The following FARS2 variants were observed in gnomAD, a reference collection of about 807,000 sequenced individuals.
FARS2 encodes phenylalanine--tRNA ligase, mitochondrial.
In FARS2, 40 loss-of-function variants were observed where a neutral mutation model predicts 46.4. That is an observed-to-expected ratio of 0.86 (90% confidence interval 0.67 to 1.12). FARS2 has a LOEUF of 1.12. Among genes scored for constraint, FARS2 ranks in the 50% most tolerant of loss-of-function variants. The pLI is 0.00. For missense variants in FARS2, 513 were observed against 567.9 expected (o/e 0.90, Z 0.98); for synonymous variants, 234 against 214.9 (o/e 1.09, Z -0.78).
intron 3 of FARS2, among the ~76,000 whole-genome samples, chr6:5,418,874 T>TTTATTA (rs111451171): frequency 1.6e-3 from 233 of 150,054 alleles, no homozygotes; most frequent in East Asian, 0.014. Flanking sequence ...TATTTGTCTT[T>TTTATTA]TTATTATTAT....
rs114465560 is a variant in FARS2, at chr6:5,616,216, A to C, written c.1217+2896A>C. Among the ~76,000 whole-genome samples the C allele has an allele frequency of 2.3e-3, 355 of 152,160 alleles. 4 individuals carry two copies. The highest frequency in any genetic ancestry group is 8.3e-3 in the African/African-American group (343 of 41,502). ...ATATCTGTCTCCTAACTTTACAGAA[A>C]ATAGAATGTATGGGGTAGTCTGGAT... On this transcript the variant is annotated intron_variant, in intron 6 of 6. Coordinates refer to ENST00000274680, the MANE Select transcript of FARS2 (RefSeq NM_006567.5).
intron 1 of FARS2, among the ~76,000 whole-genome samples, chr6:5,341,188 G>GATAGATATATATATATAT (rs1771535603): frequency 2.9e-5 from 1 of 34,188 alleles, no homozygotes; most frequent in Non-Finnish European, 5.3e-5. Context: ...GCCATGGGGA[G>GATAGATATATATATATAT]ATATATATAT....
At chr6:5,263,512 G>A (rs1019268612) in intron 1 of FARS2, among the ~76,000 whole-genome samples, 2 of 152,092 alleles carry the variant, frequency 1.3e-5, no homozygotes, top group Admixed American at 6.6e-5. Context: ...TCTTCATTGC[G>A]GAGATGACTT....
At chr6:5,548,208 CAT>C (rs1771159397) in intron 5 of FARS2, among the ~76,000 whole-genome samples, 5 of 152,298 alleles carry the variant, frequency 3.3e-5, no homozygotes, top group South Asian at 2.1e-4. Flanking sequence ...GCTCCCACAA[CAT>C]GTGGGAATTC....
chr6:5,633,668 G>C (rs191069289), intron 6 of FARS2, among the ~76,000 whole-genome samples: 2 of 152,246 alleles, frequency 1.3e-5, no homozygotes, highest in African/African-American at 4.8e-5. Flanking sequence ...TTCTGCCATT[G>C]TCATATACTA....
At chr6:5,464,308 T>A (rs1357605812) in intron 4 of FARS2, among the ~76,000 whole-genome samples, 1 of 152,172 alleles carries the variant, frequency 6.6e-6, no homozygotes, top group Non-Finnish European at 1.5e-5. Flanking sequence ...CCACCATATG[T>A]GCAGGCTTCA....
intron 6 of FARS2, among the ~76,000 whole-genome samples, chr6:5,624,896 C>A (rs1260102606): frequency 1.3e-5 from 2 of 151,320 alleles, no homozygotes; most frequent in African/African-American, 4.9e-5. Context: ...AAACTTGTGC[C>A]CTCCGTTCAC....
At chr6:5,590,367 T>G (rs375820511) in intron 5 of FARS2, among the ~76,000 whole-genome samples, 9 of 152,338 alleles carry the variant, frequency 5.9e-5, no homozygotes, top group African/African-American at 2.2e-4. Context: ...TTCACTTGCA[T>G]AGAGTCTCAG....
chr6:5,635,236 T>C (rs576022118), intron 6 of FARS2, among the ~76,000 whole-genome samples: 1 of 152,368 alleles, frequency 6.6e-6, no homozygotes, highest in East Asian at 1.9e-4. Flanking sequence ...GAAAAACTAA[T>C]TGTAATTAAG....
At chr6:5,695,073 A>G (rs970904202) in intron 6 of FARS2, 16 of 152,204 alleles carry the variant, frequency 1.1e-4, no homozygotes, top group African/African-American at 3.9e-4. Context: ...TTCTTGTCTC[A>G]ATTCTGGTTT....
intron 4 of FARS2, among the ~76,000 whole-genome samples, chr6:5,443,015 G>A (rs950961165): frequency 6.6e-6 from 1 of 152,186 alleles, no homozygotes; most frequent in East Asian, 1.9e-4. Flanking sequence ...AGAAACATCT[G>A]GAAAGCCGAG....
At chr6:5,694,080 G>C (rs1757946304) in intron 6 of FARS2, among the ~76,000 whole-genome samples, 1 of 152,208 alleles carries the variant, frequency 6.6e-6, no homozygotes, top group Non-Finnish European at 1.5e-5. Context: ...TGATAGCATT[G>C]CTGCTGTATT....
rs77752662 is a variant in FARS2, at chr6:5,353,208, A to G, written c.-21-15342A>G. 9.4e-4 allele frequency among the ~76,000 whole-genome samples: 143 copies of G among 152,178 alleles called. 2 individuals carry two copies. The East Asian group carries it at 0.027, about 29-fold the overall frequency. ...GTTTAACATAATGTGCTATAGATTC[A>G]TCCATGTTGCTGTAAATGACAATTT... is the stretch of plus-strand genomic sequence containing the variant. On this transcript the variant is annotated intron_variant, in intron 1 of 6. Transcript: ENST00000274680.
chr6:5,740,248 A>G (rs1236014089), intron 6 of FARS2, among the ~76,000 whole-genome samples: 1 of 152,140 alleles, frequency 6.6e-6, no homozygotes, highest in African/African-American at 2.4e-5. Context: ...AAGCTTTTTC[A>G]TCTAAGGCAT....
At chr6:5,317,017 T>G (rs971741300) in intron 1 of FARS2, among the ~76,000 whole-genome samples, 2 of 152,076 alleles carry the variant, frequency 1.3e-5, no homozygotes, top group Non-Finnish European at 2.9e-5. Flanking sequence ...ACTCACCTCC[T>G]GTCACACTCA....
At chr6:5,455,086 C>G (rs998220618) in intron 4 of FARS2, among the ~76,000 whole-genome samples, 1 of 152,230 alleles carries the variant, frequency 6.6e-6, no homozygotes, top group Admixed American at 6.5e-5. Context: ...AGCACGATAC[C>G]TGGCACAGAG....
At chr6:5,280,704 A>T (rs779107364) in intron 1 of FARS2, among the ~76,000 whole-genome samples, 9 of 149,852 alleles carry the variant, frequency 6.0e-5, no homozygotes, top group South Asian at 2.1e-4. Context: ...TTTTTTTTTT[A>T]ATCAAAAAAT....
intron 1 of FARS2, among the ~76,000 whole-genome samples, chr6:5,341,235 ATT>A (rs70974193): frequency 2.9e-4 from 3 of 10,276 alleles, no homozygotes; most frequent in African/African-American, 5.1e-4. Context: ...ATATATATAT[ATT>A]TTTTTTTTTT....
chr6:5,533,657 C>T (rs1162992740), intron 4 of FARS2, among the ~76,000 whole-genome samples: 3 of 152,150 alleles, frequency 2.0e-5, no homozygotes, highest in Non-Finnish European at 4.4e-5. Flanking sequence ...AAGATATTTT[C>T]TGAGGAAAAG....
Sources: allele counts gnomAD v4.1 joint callset (sites outside exome capture counted in the v4.1 genomes callset), GRCh38; gene constraint gnomAD v4.1.1; transcripts MANE v1.5; gene names NCBI Gene and HGNC (gene_info 2026-07-23, HGNC 2026-07-21).